Variants in KIF17 observed in about 807,000 individuals in gnomAD.
KIF17 encodes kinesin-like protein KIF17.
In KIF17, 80 loss-of-function variants were observed where a neutral mutation model predicts 96.8. That is an observed-to-expected ratio of 0.83 (90% CI 0.69 to 1.00). The LOEUF (loss-of-function observed/expected upper bound fraction) is 1.00. Among genes scored for constraint, KIF17 ranks in the 50% least tolerant of loss-of-function variants. The pLI is 0.00. For synonymous variants in KIF17, 567 were observed against 587.5 expected (o/e 0.97, Z 0.51); for missense variants, 1,280 against 1,372.9 (o/e 0.93, Z 1.07).
intron 7 of KIF17, among the ~76,000 whole-genome samples, chr1:20,689,486 A>G (rs1039312229): frequency 6.6e-6 from 1 of 152,110 alleles, no homozygotes; most frequent in African/African-American, 2.4e-5. Context: ...TCCCGTCTCT[A>G]CTGAAAACAC....
At chr1:20,713,215 C>T (rs963019342) in intron 3 of KIF17, among the ~76,000 whole-genome samples, 2 of 150,746 alleles carry the variant, frequency 1.3e-5, no homozygotes, top group African/African-American at 2.4e-5. Flanking sequence ...AGGCTGGTTT[C>T]GAACTCCTGA....
chr1:20,676,961 A>G (rs1385458081), intron 11 of KIF17, among the ~76,000 whole-genome samples: 2 of 152,234 alleles, frequency 1.3e-5, no homozygotes, highest in Non-Finnish European at 2.9e-5. Flanking sequence ...CTGTAATCCC[A>G]GCACTTTGGG....
chr1:20,703,912 C>T (rs1443383079), intron 5 of KIF17, among the ~76,000 whole-genome samples: 3 of 148,548 alleles, frequency 2.0e-5, no homozygotes, highest in Admixed American at 1.4e-4. Flanking sequence ...GCCTGGGCGA[C>T]AGAGCGAGAC....
chr1:20,695,127 C>G (rs562629511), intron 6 of KIF17, among the ~76,000 whole-genome samples: 1 of 136,846 alleles, frequency 7.3e-6, no homozygotes, highest in African/African-American at 2.7e-5. Flanking sequence ...CATACACACA[C>G]GCACACACAC....
At chr1:20,666,130 C>G (rs113915008) in intron 14 of KIF17, 84 bp downstream of exon 14, 1 of 1,063,638 alleles carries the variant, frequency 9.4e-7, no homozygotes, top group Non-Finnish European at 1.5e-6. Flanking sequence ...GTTTTTGAAC[C>G]CAGGCCTGTC....
At position 20,664,742 on chromosome 1, in the gene KIF17, C is replaced by T; in HGVS notation, c.2929G>A (p.Gly977Ser). Residue 977 changes from glycine to serine, a missense_variant, in exon 15 of 15, where the codon GGC becomes AGC. By Grantham distance (56) the Gly-to-Ser change is moderately conservative (BLOSUM62 0). Transcript: ENST00000400463. ...KSLTHHNSPP[G>S]LSCPLSNNSA... The stretch of plus-strand genomic sequence containing the variant: ...TTGTTGCTGAGTGGGCAGCTGAGGC[C>T]TGGTGGCGAGTTGTGATGTGCTGTG... 6.2e-7 allele frequency: 1 copy of T among 1,612,090 alleles called. No individual in the cohort carries two copies. The highest frequency in any genetic ancestry group is 8.5e-7 in the Non-Finnish European group (1 of 1,179,798).
At position 20,664,670 on chromosome 1, in the gene KIF17, G is replaced by C. The variant is rs2053493192; in HGVS notation, c.3001C>G (p.Pro1001Ala). The C allele has an allele frequency of 2.5e-6, 4 of 1,612,920 alleles. No individual in the cohort carries two copies. The highest frequency in any genetic ancestry group is 3.4e-6 in the Non-Finnish European group (4 of 1,179,710). Residue 1001 changes from proline (P) to alanine (A), a missense_variant, in exon 15 of 15, where the codon CCC (proline) becomes GCC (alanine). Physicochemically the swap from Pro to Ala is conservative, Grantham distance 27 (BLOSUM62 -1). Coordinates refer to ENST00000400463, the MANE Select transcript of KIF17 (RefSeq NM_001122819.3). ...TQAPEMPQPR[P>A]FRLESLDIPF... is the part of the protein sequence containing the mutation. ...ATGTCGAGGGACTCGAGGCGGAAGG[G>C]CCGGGGCTGGGGCATTTCAGGGGCC...
Position 20,685,912 on chromosome 1 carries a change from G to A in KIF17, c.2019+134C>T, listed in dbSNP as rs948414540. The stretch of plus-strand genomic sequence containing the variant: ...TGCCTGGCCACGGGCCACAAGCCCG[G>A]GGAAGGCTGGAGTTGTTGTTCTCAG... On this transcript the variant is annotated intron_variant, in intron 9 of 14. Transcript: ENST00000400463. The surrounding 1 kb of genome is among the most constrained non-coding windows in gnomAD (Gnocchi z 4.1). 1 of 773,458 alleles carries A rather than the reference G, an allele frequency of 1.3e-6. No individual in the cohort carries two copies. The highest frequency in any genetic ancestry group is 1.7e-5 in the African/African-American group (1 of 57,666). The allele number at this position is 773,458 out of a possible 1,614,324, so 47.9% of individuals were successfully genotyped here. A position where few individuals can be genotyped will look rare whatever the true frequency, so the allele number is the denominator to read the frequency against.
intron 10 of KIF17, 87 bp from the exon 11 acceptor site, chr1:20,682,971 GC>G (rs892767230): frequency 2.6e-5 from 31 of 1,186,818 alleles, no homozygotes; most frequent in African/African-American, 7.5e-5. Context: ...CTATGCGTGG[GC>G]CCCCCAGATC....
intron 3 of KIF17, among the ~76,000 whole-genome samples, chr1:20,712,760 A>ATAATATAGATAATAT (rs1402959369): frequency 5.7e-5 from 2 of 34,884 alleles, no homozygotes; most frequent in Non-Finnish European, 1.4e-4. Context: ...AAATTATATT[A>ATAATATAGATAATAT]TATCTATATA....
rs1324528416 is a variant in KIF17 at position 20,687,793 on chromosome 1, A to G, written c.1533T>C (p.Asp511=). The change falls in exon 8 of 15, where the codon GAT becomes GAC. Residue 511 remains aspartate (D), a synonymous_variant. Coordinates refer to ENST00000400463, the MANE Select transcript of KIF17 (RefSeq NM_001122819.3). This position sits in a 1 kb window ranked among gnomAD's most constrained non-coding sequence, Gnocchi z 4.4. Reference sequence around the variant, plus strand: ...TGGAGGAAACCTGAGTCTTGGAGACATCGTCACTGGGCAGAGTGTCAGTCG... The same window carrying G: ...TGGAGGAAACCTGAGTCTTGGAGACGTCGTCACTGGGCAGAGTGTCAGTCG... ...FSTTDTLPSD[D]VSKTQVSSRF... is the part of the protein sequence containing the mutation. The G allele has an allele frequency of 3.7e-6, 6 of 1,614,154 alleles. No individual in the cohort carries two copies. The highest frequency in any genetic ancestry group is 4.5e-5 in the East Asian group (2 of 44,860).
intron 11 of KIF17, among the ~76,000 whole-genome samples, chr1:20,681,258 C>G (rs1402807493): frequency 6.6e-6 from 1 of 151,614 alleles, no homozygotes; most frequent in Non-Finnish European, 1.5e-5. Flanking sequence ...GGCGTGATGT[C>G]AGCTCACTGC....
intron 6 of KIF17, 41 bp downstream of exon 6, chr1:20,698,338 T>C (rs1357954332): frequency 2.1e-6 from 3 of 1,450,434 alleles, no homozygotes; most frequent in Admixed American, 1.7e-5. Context: ...GGGCCCCACC[T>C]GCCTGTCCCT....
chr1:20,702,608 C>T (rs777442265), intron 5 of KIF17, among the ~76,000 whole-genome samples: 25 of 152,308 alleles, frequency 1.6e-4, no homozygotes, highest in Non-Finnish European at 2.8e-4. Flanking sequence ...ACCCCTATGC[C>T]CAAGGCAGCC....
intron 11 of KIF17, among the ~76,000 whole-genome samples, chr1:20,678,823 G>T (rs56267558): frequency 0.099 from 15,003 of 152,074 alleles, 924 homozygotes; most frequent in Middle Eastern, 0.17. Context: ...AGGACCAGAG[G>T]AGTTAGTCTC....
chr1:20,712,632 ATATATATAATATAGATAATATTATC>A (rs1244138684), intron 3 of KIF17, among the ~76,000 whole-genome samples: 1,642 of 26,802 alleles, frequency 0.061, 300 homozygotes, highest in African/African-American at 0.15. Flanking sequence ...GATAATATCT[ATATATATAATATAGATAATATTATC>A]TATATATAAT....
At chr1:20,714,049 C>G (rs909571389) in intron 2 of KIF17, among the ~76,000 whole-genome samples, 1 of 152,010 alleles carries the variant, frequency 6.6e-6, no homozygotes, top group Non-Finnish European at 1.5e-5. Context: ...TTAGCTAGGC[C>G]AAGCGCGGTG....
chr1:20,689,413 G>A (rs1273135242), intron 7 of KIF17, among the ~76,000 whole-genome samples: 1 of 152,170 alleles, frequency 6.6e-6, no homozygotes, highest in African/African-American at 2.4e-5. Context: ...CACTTTGGGA[G>A]GCCAAGGCAG....
At chr1:20,664,944 C>T (rs2053498978) in intron 14 of KIF17, among the ~76,000 whole-genome samples, 182 bp from the exon 15 acceptor site, 1 of 152,068 alleles carries the variant, frequency 6.6e-6, no homozygotes, top group Non-Finnish European at 1.5e-5. Context: ...AGGTCTCAGA[C>T]CCAGCAACTA....
Sources: gnomAD v4.1 joint callset for allele counts (sites outside exome capture counted in the v4.1 genomes callset) on GRCh38, gnomAD v4.1.1 for gene constraint, Gnocchi (gnomAD v3.1) non-coding constraint, MANE v1.5 for transcripts, NCBI Gene and HGNC (gene_info 2026-07-23, HGNC 2026-07-21) for gene names.